The following GRM3 variants were observed in gnomAD, a reference collection of about 807,000 sequenced individuals.
GRM3 encodes glutamate metabotropic receptor 3.
GRM3 carries 26 observed loss-of-function variants against 70.5 expected under a neutral mutation model. The observed-to-expected ratio is 0.37, with a 90% CI of 0.27 to 0.51. GRM3 has a LOEUF of 0.51. Ranked by LOEUF, GRM3 falls within the 20% of genes least tolerant of loss-of-function variation. The probability of loss-of-function intolerance (pLI) is 0.93; values close to 1 mark genes in which losing one functional copy is unlikely to be tolerated. For synonymous variants in GRM3, 443 were observed against 434.9 expected, an observed-to-expected ratio of 1.02 and a Z score of -0.23; for missense variants, 859 against 1,123.8, an observed-to-expected ratio of 0.76 and a Z score of 3.37.
At chr7:86,828,775 A>G (rs1798294560) in intron 3 of GRM3, among the ~76,000 whole-genome samples, 1 of 152,200 alleles carries the variant, frequency 6.6e-6, no homozygotes, top group South Asian at 2.1e-4. Context: ...GAAGTTTGCC[A>G]CAATAATTGA....
intron 5 of GRM3, among the ~76,000 whole-genome samples, chr7:86,863,907 T>C (rs1408135782): frequency 6.6e-6 from 1 of 152,214 alleles, no homozygotes; most frequent in African/African-American, 2.4e-5. Context: ...ATGTTCCAGG[T>C]TGCAAACTAA....
chr7:86,829,491 G>A (rs997198152), intron 3 of GRM3, among the ~76,000 whole-genome samples: 4 of 152,098 alleles, frequency 2.6e-5, no homozygotes, highest in African/African-American at 9.7e-5. Flanking sequence ...AAGCTTAATC[G>A]TCTCTAGCTT....
intron 1 of GRM3, among the ~76,000 whole-genome samples, chr7:86,702,106 T>C (rs1244723135): frequency 6.6e-6 from 1 of 151,942 alleles, no homozygotes; most frequent in African/African-American, 2.4e-5. Flanking sequence ...TAAAGTAAAA[T>C]AATAAAAAAA....
rs560134852 is a variant in GRM3 at position 86,804,983 on chromosome 7, G to A, written c.1324+17867G>A. On this transcript the variant is annotated intron_variant, in intron 3 of 5. Transcript: ENST00000361669. Reference sequence around the variant, plus strand: ...TTCTTAATTAACTGGGCATGGTGGAGCATGCCTGTAGTCCCAGCTACCTGG... The same window carrying A: ...TTCTTAATTAACTGGGCATGGTGGAACATGCCTGTAGTCCCAGCTACCTGG... 2.6e-5 allele frequency among the ~76,000 whole-genome samples: 4 copies of A among 152,182 alleles called. No individual in the cohort carries two copies. The East Asian group carries it at 7.7e-4, about 29-fold the overall frequency.
chr7:86,662,190 A>G (rs184465953), intron 1 of GRM3, among the ~76,000 whole-genome samples: 1 of 152,024 alleles, frequency 6.6e-6, no homozygotes, highest in Admixed American at 6.6e-5. Flanking sequence ...TCAAAATCAC[A>G]TGCTTTGAAA....
rs567961798 is a variant in GRM3 at position 86,665,669 on chromosome 7, G to C, written c.-141+20797G>C. ...TTATAGTCTTCTCTATAAACCATAT[G>C]TTATACTTCTTCTGTTTATGAAGAT... On this transcript the variant is annotated intron_variant, in intron 1 of 5. Transcript: ENST00000361669. 2.0e-5 allele frequency among the ~76,000 whole-genome samples: 3 copies of C among 152,034 alleles called. No individual in the cohort carries two copies. The South Asian group carries it at 6.2e-4, about 31-fold the overall frequency.
At chr7:86,715,506 C>T (rs983880335) in intron 1 of GRM3, among the ~76,000 whole-genome samples, 3 of 151,978 alleles carry the variant, frequency 2.0e-5, no homozygotes, top group Admixed American at 1.3e-4. Context: ...ATGCCTTTTA[C>T]TATCATTACA....
intron 2 of GRM3, among the ~76,000 whole-genome samples, chr7:86,785,685 A>AT (rs749456155): frequency 0.041 from 2,638 of 64,854 alleles, 442 homozygotes; most frequent in East Asian, 0.085. Flanking sequence ...AATAGAATTG[A>AT]TTTTTTTTTT....
intron 3 of GRM3, among the ~76,000 whole-genome samples, chr7:86,801,262 G>A (rs948642724): frequency 6.6e-6 from 1 of 151,684 alleles, no homozygotes; most frequent in African/African-American, 2.4e-5. Flanking sequence ...GTCGAGACGG[G>A]GTTTCACTAT....
chr7:86,779,345 T>G (rs1796980863), intron 2 of GRM3, among the ~76,000 whole-genome samples: 2 of 152,216 alleles, frequency 1.3e-5, no homozygotes, highest in South Asian at 4.1e-4. Context: ...AAATTGTTTA[T>G]CAGTCATATT....
chr7:86,859,368 T>A (rs1278456959), intron 5 of GRM3, among the ~76,000 whole-genome samples: 3 of 152,178 alleles, frequency 2.0e-5, no homozygotes, highest in Non-Finnish European at 4.4e-5. Context: ...TCTGCCCAGA[T>A]AACATCTATT....
At chr7:86,698,504 C>T (rs1482814898) in intron 1 of GRM3, among the ~76,000 whole-genome samples, 1 of 145,708 alleles carries the variant, frequency 6.9e-6, no homozygotes, top group Non-Finnish European at 1.5e-5. Context: ...TAAAGAGTCC[C>T]ATGTCTAAAA....
intron 3 of GRM3, among the ~76,000 whole-genome samples, chr7:86,789,004 A>G (rs1797340090): frequency 6.6e-6 from 1 of 152,218 alleles, no homozygotes; most frequent in African/African-American, 2.4e-5. Context: ...TTGGGTCTTA[A>G]AAGGCAAAGA....
intron 3 of GRM3, among the ~76,000 whole-genome samples, chr7:86,832,680 A>AAGAAAAAAATAATGAATTT (rs1437602144): frequency 6.6e-6 from 1 of 152,166 alleles, no homozygotes; most frequent in Non-Finnish European, 1.5e-5. Context: ...TCTGTCTGAG[A>AAGAAAAAAATAATGAATTT]AGAAAAAAAT....
intron 2 of GRM3, among the ~76,000 whole-genome samples, chr7:86,767,514 C>CATATATATATATAT (rs3057233): frequency 3.0e-5 from 3 of 100,130 alleles, no homozygotes; most frequent in South Asian, 4.4e-4. Context: ...GGTCATACTT[C>CATATATATATATAT]ATATATATAT....
At chr7:86,659,333 C>CCGTT (rs1204972495) in intron 1 of GRM3, among the ~76,000 whole-genome samples, 2 of 152,108 alleles carry the variant, frequency 1.3e-5, no homozygotes, top group African/African-American at 4.8e-5. Context: ...ATGCCAGGCA[C>CCGTT]CGTTCCTTTT....
intron 5 of GRM3, among the ~76,000 whole-genome samples, chr7:86,854,438 A>G (rs766488552): frequency 5.3e-5 from 8 of 152,326 alleles, no homozygotes; most frequent in Non-Finnish European, 1.2e-4. Flanking sequence ...GGTTAACAAC[A>G]TCTTGGAAAA....
In GRM3 at chr7:86,801,623, C is replaced by A. The variant is rs538456517; in HGVS notation, c.1324+14507C>A. 4.6e-5 allele frequency among the ~76,000 whole-genome samples: 7 copies of A among 152,272 alleles called. No homozygotes were observed. The South Asian group carries it at 1.2e-3, about 27-fold the overall frequency. On this transcript the variant is annotated intron_variant, in intron 3 of 5. Coordinates refer to ENST00000361669, the MANE Select transcript of GRM3 (RefSeq NM_000840.3). The stretch of plus-strand genomic sequence containing the variant: ...GATGAGATTAAAAGAGAAAAAAATT[C>A]TTTCTGCCATCAAGTATCTTAGCAA...
chr7:86,793,163 G>A (rs1199908629), intron 3 of GRM3, among the ~76,000 whole-genome samples: 1 of 151,922 alleles, frequency 6.6e-6, no homozygotes, highest in East Asian at 1.9e-4. Flanking sequence ...AAAATGGGTA[G>A]TCCAGCCTTG....
Sources: gnomAD v4.1 joint callset for allele counts (sites outside exome capture counted in the v4.1 genomes callset) on GRCh38, gnomAD v4.1.1 for gene constraint, MANE v1.5 for transcripts, NCBI Gene and HGNC (gene_info 2026-07-23, HGNC 2026-07-21) for gene names.